The following CATSPERD variants were observed in gnomAD, a reference collection of about 807,000 sequenced individuals.
CATSPERD encodes the protein cation channel sperm-associated auxiliary subunit delta.
In CATSPERD, 86 loss-of-function variants were observed where a neutral mutation model predicts 98.1. That is an observed-to-expected ratio of 0.88 (90% CI 0.74 to 1.05). CATSPERD has a LOEUF of 1.05. Among genes scored for constraint, CATSPERD ranks in the 50% least tolerant of loss-of-function variants. The pLI is 0.00. For synonymous variants in CATSPERD, 394 were observed against 390.2 expected, an observed-to-expected ratio of 1.01 and a Z score of -0.12; for missense variants, 995 against 1,005.7, an observed-to-expected ratio of 0.99 and a Z score of 0.14.
chr19:5,775,604 G>A (rs1030560962), intron 20 of CATSPERD, among the ~76,000 whole-genome samples: 7 of 142,648 alleles, frequency 4.9e-5, no homozygotes, highest in Admixed American at 1.4e-4. Flanking sequence ...AGCCGAGATC[G>A]CGCCACTGCA....
chr19:5,722,428 T>A lies in CATSPERD; in HGVS notation c.71+1620T>A, dbSNP rs117633941. The stretch of plus-strand genomic sequence containing the variant: ...GTGCCACCGCGCCCGGCCAACACCC[T>A]TATTTTATAGATACGAAAGCATACT... On this transcript the variant is annotated intron_variant, in intron 1 of 21. Transcript: ENST00000381624. Among the ~76,000 whole-genome samples the A allele has an allele frequency of 2.9e-3, 442 of 152,300 alleles. 8 individuals are homozygous for A. In the East Asian group the frequency reaches 0.055, roughly 19 times the overall value.
chr19:5,720,814 G>A lies in CATSPERD; in HGVS notation c.71+6G>A, dbSNP rs774271336. The A allele has an allele frequency of 1.9e-6, 3 of 1,597,034 alleles. No individual in the cohort carries two copies. Among genetic ancestry groups the A allele is most frequent in the East Asian group, 4.5e-5 (2 of 44,712 alleles). ...GTCACAGCTCAGCTCTGTCGGTGGGGCTGCCAGGACTCCTGGGGCTGGGGT... is the reference window on the plus strand; with the variant it reads ...GTCACAGCTCAGCTCTGTCGGTGGGACTGCCAGGACTCCTGGGGCTGGGGT... On this transcript the variant is annotated splice_donor_region_variant and intron_variant, in intron 1 of 21. Transcript: ENST00000381624.
chr19:5,755,465 T>C (rs2056306846), intron 13 of CATSPERD, among the ~76,000 whole-genome samples: 1 of 152,126 alleles, frequency 6.6e-6, no homozygotes, highest in Non-Finnish European at 1.5e-5. Context: ...ACTATTAGTA[T>C]AGTATTCAAT....
chr19:5,756,123 A>G (rs1453715934), intron 13 of CATSPERD, among the ~76,000 whole-genome samples: 1 of 151,134 alleles, frequency 6.6e-6, no homozygotes, highest in Non-Finnish European at 1.5e-5. Flanking sequence ...TCTACTAAAA[A>G]TACAAAAATT....
chr19:5,776,649 A>T (rs947765900), intron 21 of CATSPERD, among the ~76,000 whole-genome samples: 1 of 152,124 alleles, frequency 6.6e-6, no homozygotes, highest in Admixed American at 6.6e-5. Flanking sequence ...GCTCACCAGG[A>T]GTAGACTCTC....
Position 5,757,857 on chromosome 19 carries a change from CCCCCACT to C in CATSPERD, c.1297_1303del (p.His433TrpfsTer26). 1 of 1,613,044 alleles carries C rather than the reference CCCCCACT, an allele frequency of 6.2e-7. No individual in the cohort carries two copies. The highest frequency in any genetic ancestry group is 8.5e-7 in the Non-Finnish European group (1 of 1,179,648). ...CCCACTCCCAGGTGATGGTGAGCAA[CCCCCACT>C]CCCTGGGGTTCCAGGCCACCTTCTA... On this transcript the variant is annotated frameshift_variant, in exon 14 of 22. Coordinates refer to ENST00000381624, the MANE Select transcript of CATSPERD (RefSeq NM_152784.4). LOFTEE classifies it high-confidence loss of function.
intron 11 of CATSPERD, among the ~76,000 whole-genome samples, chr19:5,749,740 A>G (rs2056168052): frequency 1.3e-5 from 2 of 152,230 alleles, no homozygotes; most frequent in East Asian, 1.9e-4. Context: ...GTCCAGGCTC[A>G]AAGTGGTACT....
At position 5,748,161 on chromosome 19, in the gene CATSPERD, T is replaced by A. The variant is rs1244420817; in HGVS notation, c.810T>A (p.Gly270=). Residue 270 remains glycine (G), a splice_region_variant and synonymous_variant, in exon 10 of 22, where the codon GGT becomes GGA. Transcript: ENST00000381624. ...TGCACCTGTCCTGTTACCTCCTAGG[T>A]CAGCTCGTCGACACCGTCCGGGTGA... ...ENSLLFSHNA[G]QLVDTVRVKK... is the part of the protein sequence containing the mutation. The A allele has an allele frequency of 6.2e-7, 1 of 1,613,694 alleles. No individual in the cohort carries two copies. The highest frequency in any genetic ancestry group is 1.7e-5 in the Admixed American group (1 of 59,934).
chr19:5,743,319 C>T (rs1053973566), intron 7 of CATSPERD, among the ~76,000 whole-genome samples: 123 of 148,304 alleles, frequency 8.3e-4, no homozygotes, highest in African/African-American at 3.0e-3. Flanking sequence ...CAAACAAGGC[C>T]AGGCACTGTG....
At chr19:5,743,854 G>A (rs2056044877) in intron 7 of CATSPERD, among the ~76,000 whole-genome samples, 1 of 152,146 alleles carries the variant, frequency 6.6e-6, no homozygotes, top group South Asian at 2.1e-4. Context: ...TAACAATCAG[G>A]AATGAGGACT....
chr19:5,737,106 A>G (rs1486187414), intron 5 of CATSPERD, 32 bp from the exon 6 acceptor site: 1 of 1,463,002 alleles, frequency 6.8e-7, no homozygotes, highest in Non-Finnish European at 9.5e-7. Flanking sequence ...CAGGGAACTC[A>G]TAAACATTTC....
intron 4 of CATSPERD, among the ~76,000 whole-genome samples, chr19:5,731,805 G>A (rs1231158412): frequency 1.3e-5 from 2 of 151,428 alleles, no homozygotes; most frequent in African/African-American, 2.4e-5. Context: ...TCGATCTCCT[G>A]ACCTCATGAT....
intron 6 of CATSPERD, among the ~76,000 whole-genome samples, chr19:5,738,407 C>T (rs1403245955): frequency 6.6e-6 from 1 of 151,322 alleles, no homozygotes; most frequent in Non-Finnish European, 1.5e-5. Flanking sequence ...TGGTGAGCAC[C>T]TATAGTCCCA....
intron 12 of CATSPERD, among the ~76,000 whole-genome samples, chr19:5,753,079 GTCCAGGTT>G (rs1485985624): frequency 6.6e-6 from 1 of 151,524 alleles, no homozygotes; most frequent in East Asian, 1.9e-4. Context: ...TCCCTGTGTG[GTCCAGGTT>G]GGTCTCAAAC....
intron 20 of CATSPERD, chr19:5,775,095 G>A (rs2144697984): frequency 2.8e-6 from 1 of 353,936 alleles, no homozygotes; most frequent in East Asian, 8.8e-5. Flanking sequence ...AGCCCAGGAA[G>A]GCCTGAAAGC....
At chr19:5,738,708 T>C (rs2055897150) in intron 6 of CATSPERD, among the ~76,000 whole-genome samples, 1 of 152,034 alleles carries the variant, frequency 6.6e-6, no homozygotes, top group African/African-American at 2.4e-5. Flanking sequence ...CTCAGCCTCC[T>C]GAGTAGCTGG....
intron 16 of CATSPERD, among the ~76,000 whole-genome samples, chr19:5,763,847 C>CTTTTT (rs56352544): frequency 0.08 from 4,929 of 61,914 alleles, 888 homozygotes; most frequent in African/African-American, 0.2. Context: ...TCTTGAACTC[C>CTTTTT]TTTTTTTTTT....
chr19:5,751,914 G>A lies in CATSPERD; in HGVS notation c.1164+91G>A, dbSNP rs973803908. The A allele has an allele frequency of 1.1e-5, 14 of 1,239,412 alleles. No individual in the cohort carries two copies. The African/African-American group carries it at 2.1e-4, about 19-fold the overall frequency. The allele number at this position is 1,239,412 out of a possible 1,614,324, so 76.8% of individuals were successfully genotyped here. On this transcript the variant is annotated intron_variant, in intron 12 of 21. Transcript: ENST00000381624. ...ATGGTGGTGCACGCCTGTAGCCCCA[G>A]TTGCTCAGGAGGCTGAGGCTGGAGG... is the stretch of plus-strand genomic sequence containing the variant.
At chr19:5,743,426 C>T (rs534032269) in intron 7 of CATSPERD, among the ~76,000 whole-genome samples, 1 of 151,924 alleles carries the variant, frequency 6.6e-6, no homozygotes, top group Admixed American at 6.6e-5. Flanking sequence ...GGCGAAACCC[C>T]GTTTCTACTA....
Sources: allele counts gnomAD v4.1 joint callset (sites outside exome capture counted in the v4.1 genomes callset), GRCh38; gene constraint gnomAD v4.1.1; transcripts MANE v1.5; gene names NCBI Gene and HGNC (gene_info 2026-07-23, HGNC 2026-07-21).